Variants in CBFB observed in about 807,000 individuals in gnomAD.
CBFB encodes the protein CBF-beta.
CBFB carries 9 observed loss-of-function variants against 30.4 expected under a neutral mutation model. The ratio of observed to expected loss-of-function variants is 0.30; its 90% confidence interval spans 0.18 to 0.52. The LOEUF (loss-of-function observed/expected upper bound fraction) is 0.52. CBFB is among the 20% of genes least tolerant of loss of function. The pLI, the probability that CBFB is intolerant of heterozygous loss-of-function variation, is 0.97. For synonymous variants in CBFB, 94 were observed against 84.0 expected (o/e 1.12, Z -0.65); for missense variants, 170 against 244.0 (o/e 0.70, Z 2.02).
At chr16:67,064,099 TC>T (rs1030202108) in intron 3 of CBFB, among the ~76,000 whole-genome samples, 1 of 152,206 alleles carries the variant, frequency 6.6e-6, no homozygotes, top group Non-Finnish European at 1.5e-5. Flanking sequence ...AATTCCCACT[TC>T]CTCTGCATTA....
chr16:67,047,344 T>C (rs1327444656), intron 3 of CBFB, among the ~76,000 whole-genome samples: 1 of 152,196 alleles, frequency 6.6e-6, no homozygotes, highest in Non-Finnish European at 1.5e-5. Context: ...ATGCAGGCTG[T>C]ACCTAAGAGG....
intron 2 of CBFB, among the ~76,000 whole-genome samples, chr16:67,031,736 C>T (rs1966353785): frequency 6.6e-6 from 1 of 152,056 alleles, no homozygotes; most frequent in African/African-American, 2.4e-5. Flanking sequence ...TTGTTTTGAA[C>T]TCCTGACCTT....
intron 4 of CBFB, among the ~76,000 whole-genome samples, chr16:67,078,685 G>A (rs1961472612): frequency 6.6e-6 from 1 of 152,158 alleles, no homozygotes. Context: ...TTTCGCTCTT[G>A]TTGCCCAGGC....
At chr16:67,034,966 T>C (rs562881251) in intron 2 of CBFB, among the ~76,000 whole-genome samples, 4 of 152,204 alleles carry the variant, frequency 2.6e-5, no homozygotes, top group Admixed American at 2.6e-4. Flanking sequence ...GAAAACTGAA[T>C]TATGCTTCAG....
intron 3 of CBFB, among the ~76,000 whole-genome samples, chr16:67,043,739 A>G (rs1434700754): frequency 6.6e-6 from 1 of 152,240 alleles, no homozygotes; most frequent in African/African-American, 2.4e-5. Context: ...AGAATATGTG[A>G]AAATGCCTTT....
At chr16:67,047,891 A>T (rs1178843751) in intron 3 of CBFB, among the ~76,000 whole-genome samples, 1 of 151,984 alleles carries the variant, frequency 6.6e-6, no homozygotes, top group Non-Finnish European at 1.5e-5. Flanking sequence ...CAGCATGGTG[A>T]AGCCCCGTCT....
At chr16:67,069,628 G>C (rs762852132) in intron 4 of CBFB, among the ~76,000 whole-genome samples, 4 of 152,190 alleles carry the variant, frequency 2.6e-5, no homozygotes, top group Non-Finnish European at 5.9e-5. Flanking sequence ...TGTCCAAGAA[G>C]CTCAATGGAC....
chr16:67,097,937 T>C (rs1646525545), intron 5 of CBFB, among the ~76,000 whole-genome samples: 1 of 152,110 alleles, frequency 6.6e-6, no homozygotes, highest in Non-Finnish European at 1.5e-5. Flanking sequence ...AGACCCCATC[T>C]CTCTAAAAAA....
intron 3 of CBFB, among the ~76,000 whole-genome samples, chr16:67,037,666 A>ATTTTTTTTT (rs35804914): frequency 3.1e-5 from 4 of 129,292 alleles, no homozygotes; most frequent in African/African-American, 9.3e-5. Flanking sequence ...GATTTTGGTA[A>ATTTTTTTTT]TTTTTTTTTT....
Position 67,092,698 on chromosome 16 carries a change from C to CT in CBFB, c.496-5980dup, listed in dbSNP as rs777213321. On this transcript the variant is annotated intron_variant, in intron 5 of 5. Coordinates refer to ENST00000412916, the MANE Select transcript of CBFB (RefSeq NM_022845.3). The stretch of plus-strand genomic sequence containing the variant: ...CCAGGCTAGGTTACAGTGGTGCAAT[C>CT]TTTTTTTTTTTTTTTTTTTTTTTTT... 4.2e-3 allele frequency among the ~76,000 whole-genome samples: 140 copies of CT among 33,524 alleles called. 22 individuals carry two copies. The highest frequency in any genetic ancestry group is 5.6e-3 in the African/African-American group (49 of 8,714). The allele number at this position is 33,524 out of a possible 152,430, so 22.0% of individuals were successfully genotyped here. A position where few individuals can be genotyped will look rare whatever the true frequency, so the allele number is the denominator to read the frequency against.
intron 4 of CBFB, among the ~76,000 whole-genome samples, chr16:67,070,955 C>T (rs1961207161): frequency 6.6e-6 from 1 of 152,044 alleles, no homozygotes; most frequent in Non-Finnish European, 1.5e-5. Flanking sequence ...TTTCCATAGT[C>T]CCCAAATTGA....
intron 2 of CBFB, among the ~76,000 whole-genome samples, chr16:67,031,080 A>G (rs183126722): frequency 6.6e-6 from 1 of 152,322 alleles, no homozygotes; most frequent in African/African-American, 2.4e-5. Flanking sequence ...TTTTATTCAG[A>G]TATAATTCAT....
At chr16:67,042,241 G>A (rs1966544776) in intron 3 of CBFB, among the ~76,000 whole-genome samples, 1 of 151,726 alleles carries the variant, frequency 6.6e-6, no homozygotes, top group African/African-American at 2.4e-5. Flanking sequence ...AAAATCATTT[G>A]TTTCTAAGTG....
chr16:67,085,576 C>A (rs1278718225), intron 5 of CBFB, among the ~76,000 whole-genome samples: 1 of 151,416 alleles, frequency 6.6e-6, no homozygotes, highest in Non-Finnish European at 1.5e-5. Flanking sequence ...TTCACTGTAG[C>A]CTCAACCTCG....
At chr16:67,098,640 T>C (rs1962126330) in intron 5 of CBFB, 70 bp from the exon 6 acceptor site, 1 of 897,764 alleles carries the variant, frequency 1.1e-6, no homozygotes, top group Non-Finnish European at 1.9e-6. Context: ...TACTGTCTTG[T>C]ATTTTGTATA....
At chr16:67,051,414 A>ATG (rs1966737129) in intron 3 of CBFB, among the ~76,000 whole-genome samples, 1 of 152,050 alleles carries the variant, frequency 6.6e-6, no homozygotes, top group Non-Finnish European at 1.5e-5. Flanking sequence ...TGTAATATAT[A>ATG]TATGGATCCA....
intron 3 of CBFB, among the ~76,000 whole-genome samples, chr16:67,053,504 T>C (rs115253693): frequency 0.14 from 21,548 of 151,794 alleles, 2,450 homozygotes; most frequent in African/African-American, 0.31. Context: ...ATCCACACTC[T>C]TCGGCCTCCC....
At chr16:67,079,433 T>A (rs1317759764) in intron 4 of CBFB, among the ~76,000 whole-genome samples, 1 of 151,334 alleles carries the variant, frequency 6.6e-6, no homozygotes, top group African/African-American at 2.4e-5. Context: ...AAAGGATTTA[T>A]CACACAGAAC....
intron 1 of CBFB, 69 bp downstream of exon 1, chr16:67,029,554 T>C: frequency 2.7e-6 from 4 of 1,480,902 alleles, no homozygotes; most frequent in Non-Finnish European, 2.7e-6. Context: ...GAGAAAAGTT[T>C]GGGCGGCACG....
Sources: allele counts gnomAD v4.1 joint callset (sites outside exome capture counted in the v4.1 genomes callset), GRCh38; gene constraint gnomAD v4.1.1; transcripts MANE v1.5; gene names NCBI Gene and HGNC (gene_info 2026-07-23, HGNC 2026-07-21).